The following LRMDA variants were observed in gnomAD, a reference collection of about 807,000 sequenced individuals.
LRMDA encodes leucine rich melanocyte differentiation associated.
Under a neutral mutation model 29.8 loss-of-function variants are expected in LRMDA, and 18 were observed. That is an observed-to-expected ratio of 0.60 (90% CI 0.42 to 0.90). The LOEUF (loss-of-function observed/expected upper bound fraction) is 0.90. LRMDA is among the 40% of genes least tolerant of loss of function. The pLI, the probability that LRMDA is intolerant of heterozygous loss-of-function variation, is 0.00. For synonymous variants in LRMDA, 125 were observed against 109.4 expected (o/e 1.14, Z -0.89); for missense variants, 273 against 273.9 (o/e 1.00, Z 0.02).
chr10:76,091,200 C>T (rs1849225152), intron 5 of LRMDA, among the ~76,000 whole-genome samples: 1 of 152,060 alleles, frequency 6.6e-6, no homozygotes, highest in African/African-American at 2.4e-5. Context: ...TAAATGTCAG[C>T]ATCCCTCACT....
At chr10:76,454,802 A>G (rs778507620) in intron 6 of LRMDA, among the ~76,000 whole-genome samples, 71 of 152,178 alleles carry the variant, frequency 4.7e-4, no homozygotes, top group Non-Finnish European at 9.4e-4. Context: ...ACAAATTCTG[A>G]TGTTTCACAG....
intron 5 of LRMDA, among the ~76,000 whole-genome samples, chr10:76,181,570 T>C (rs1471857142): frequency 6.6e-6 from 1 of 152,168 alleles, no homozygotes; most frequent in African/African-American, 2.4e-5. Context: ...AAGAGTGTTT[T>C]TGTTGGGGGC....
intron 5 of LRMDA, among the ~76,000 whole-genome samples, chr10:76,223,196 G>A (rs957725898): frequency 2.0e-5 from 3 of 151,918 alleles, no homozygotes; most frequent in Admixed American, 6.6e-5. Flanking sequence ...CAGCACACCA[G>A]CATGGCACAT....
intron 5 of LRMDA, among the ~76,000 whole-genome samples, chr10:76,145,370 C>T (rs1204307971): frequency 6.6e-6 from 1 of 152,076 alleles, no homozygotes; most frequent in Non-Finnish European, 1.5e-5. Context: ...ATTTCAGAGC[C>T]TGTTTTTGGT....
At chr10:75,627,447 G>T (rs951788821) in intron 2 of LRMDA, among the ~76,000 whole-genome samples, 1 of 152,204 alleles carries the variant, frequency 6.6e-6, no homozygotes, top group Non-Finnish European at 1.5e-5. Context: ...TCTTTAAAGA[G>T]ATGAGTTATG....
chr10:76,297,717 T>C (rs905664491), intron 5 of LRMDA, among the ~76,000 whole-genome samples: 3 of 152,206 alleles, frequency 2.0e-5, no homozygotes, highest in Non-Finnish European at 4.4e-5. Context: ...CTGAAAGTTA[T>C]AACAAATGGA....
At chr10:76,430,846 TC>T (rs1258587954) in intron 6 of LRMDA, among the ~76,000 whole-genome samples, 1 of 152,200 alleles carries the variant, frequency 6.6e-6, no homozygotes, top group Non-Finnish European at 1.5e-5. Context: ...AACCCCCTCC[TC>T]TGCCTCCACA....
intron 2 of LRMDA, chr10:75,782,661 T>C: frequency 9.7e-7 from 1 of 1,030,394 alleles, no homozygotes; most frequent in Non-Finnish European, 1.2e-6. Flanking sequence ...TGACTTCTAG[T>C]CCTCGCTGCC....
intron 6 of LRMDA, among the ~76,000 whole-genome samples, chr10:76,421,286 T>A (rs1382541538): frequency 6.6e-6 from 1 of 152,172 alleles, no homozygotes; most frequent in East Asian, 1.9e-4. Flanking sequence ...TATTTTTAGT[T>A]ATGGTCCTTG....
chr10:76,162,659 G>A lies in LRMDA; in HGVS notation c.516+103876G>A, dbSNP rs190763643. Among the ~76,000 whole-genome samples, 137 of 152,222 alleles carry A rather than the reference G, an allele frequency of 9.0e-4. No individual in the cohort carries two copies. The South Asian group carries it at 0.01, about 11-fold the overall frequency. ...GAAGTCACTTGTTATTGCAAAAACAGTACCAAGAAGATGGTGCTGAGGCAT... is the reference window on the plus strand; with the variant it reads ...GAAGTCACTTGTTATTGCAAAAACAATACCAAGAAGATGGTGCTGAGGCAT... On this transcript the variant is annotated intron_variant, in intron 5 of 6. Coordinates refer to ENST00000611255, the MANE Select transcript of LRMDA (RefSeq NM_001305581.2).
At chr10:76,142,282 C>T (rs1393994024) in intron 5 of LRMDA, among the ~76,000 whole-genome samples, 2 of 152,040 alleles carry the variant, frequency 1.3e-5, no homozygotes, top group Admixed American at 1.3e-4. Flanking sequence ...TATATGTGTG[C>T]ATTTACATAG....
At chr10:76,468,444 G>A (rs1196290974) in intron 6 of LRMDA, among the ~76,000 whole-genome samples, 1 of 152,072 alleles carries the variant, frequency 6.6e-6, no homozygotes. Context: ...GAGTGTTGGA[G>A]GATATTTCTG....
rs1841350507 is a variant in LRMDA at position 76,363,280 on chromosome 10, G to GA, written c.601+38797dup. Among the ~76,000 whole-genome samples, 7 of 114,014 alleles carry GA rather than the reference G, an allele frequency of 6.1e-5. 1 individual carries two copies. In the South Asian group the frequency reaches 9.0e-4, roughly 15 times the overall value. The allele number at this position is 114,014 out of a possible 152,430, so 74.8% of individuals were successfully genotyped here. On this transcript the variant is annotated intron_variant, in intron 6 of 6. Coordinates refer to ENST00000611255, the MANE Select transcript of LRMDA (RefSeq NM_001305581.2). ...GAAGGAAGGAAGGAAGGAAGGAAAG[G>GA]AAGGAAGGAAGGAAGGAAGGGAGGA...
intron 6 of LRMDA, among the ~76,000 whole-genome samples, chr10:76,374,286 A>T (rs537620683): frequency 6.6e-6 from 1 of 152,290 alleles, no homozygotes; most frequent in African/African-American, 2.4e-5. Flanking sequence ...TAACTTTATG[A>T]ATATTGTGAC....
chr10:76,363,957 C>A (rs1437034595), intron 6 of LRMDA, among the ~76,000 whole-genome samples: 1 of 151,814 alleles, frequency 6.6e-6, no homozygotes, highest in Admixed American at 6.6e-5. Context: ...AAGATCACTT[C>A]ACCTTTTAAG....
intron 2 of LRMDA, among the ~76,000 whole-genome samples, chr10:75,556,074 T>G (rs984745389): frequency 6.6e-6 from 1 of 152,054 alleles, no homozygotes; most frequent in Non-Finnish European, 1.5e-5. Context: ...TAATACATGT[T>G]GTCATAGGAT....
intron 2 of LRMDA, among the ~76,000 whole-genome samples, chr10:75,737,358 C>A (rs1369858820): frequency 6.6e-6 from 1 of 152,188 alleles, no homozygotes; most frequent in Non-Finnish European, 1.5e-5. Context: ...ATTCCCTGAG[C>A]CTTGTGGTTT....
At chr10:76,362,558 T>A (rs897462933) in intron 6 of LRMDA, among the ~76,000 whole-genome samples, 1 of 152,340 alleles carries the variant, frequency 6.6e-6, no homozygotes, top group East Asian at 1.9e-4. Context: ...TAATCTTTTT[T>A]ATTTATTTAT....
intron 5 of LRMDA, among the ~76,000 whole-genome samples, chr10:76,113,483 C>T (rs562946855): frequency 8.6e-5 from 13 of 152,042 alleles, no homozygotes; most frequent in African/African-American, 2.7e-4. Flanking sequence ...GGGAAAAAAC[C>T]AACCTGAGAG....
Sources: allele counts gnomAD v4.1 joint callset (sites outside exome capture counted in the v4.1 genomes callset), GRCh38; gene constraint gnomAD v4.1.1; transcripts MANE v1.5; gene names NCBI Gene and HGNC (gene_info 2026-07-23, HGNC 2026-07-21).